The following FILIP1 variants were observed in gnomAD, a reference collection of about 807,000 sequenced individuals.
FILIP1 encodes the protein filamin-A-interacting protein 1.
FILIP1 carries 61 observed loss-of-function variants against 102.1 expected under a neutral mutation model. That is an observed-to-expected ratio of 0.60 (90% confidence interval 0.49 to 0.74). The LOEUF (loss-of-function observed/expected upper bound fraction) is 0.74. Ranked by LOEUF, FILIP1 falls within the 30% of genes least tolerant of loss-of-function variation. FILIP1 has a pLI of 0.00. For missense variants in FILIP1, 1,314 were observed against 1,441.2 expected (o/e 0.91, Z 1.43); for synonymous variants, 491 against 526.9 (o/e 0.93, Z 0.93).
chr6:75,363,203 G>T (rs1775226413), intron 2 of FILIP1, among the ~76,000 whole-genome samples: 1 of 152,048 alleles, frequency 6.6e-6, no homozygotes, highest in Admixed American at 6.6e-5. Flanking sequence ...GATGGGGTGG[G>T]GGAGGGAGGC....
At chr6:75,416,360 C>T (rs573666490) in intron 1 of FILIP1, among the ~76,000 whole-genome samples, 1 of 152,144 alleles carries the variant, frequency 6.6e-6, no homozygotes, top group South Asian at 2.1e-4. Context: ...TTCTACAGCA[C>T]CCCAGCTTTT....
intron 1 of FILIP1, among the ~76,000 whole-genome samples, chr6:75,463,371 C>T (rs1432502298): frequency 2.0e-5 from 3 of 152,042 alleles, no homozygotes; most frequent in Admixed American, 6.5e-5. Context: ...AATTGATTAC[C>T]GTGTTTGTGT....
chr6:75,369,167 A>C (rs1356631623), intron 2 of FILIP1, among the ~76,000 whole-genome samples: 2 of 152,202 alleles, frequency 1.3e-5, no homozygotes, highest in Non-Finnish European at 2.9e-5. Flanking sequence ...ACCTTTCTGC[A>C]CCAAAGAATC....
intron 1 of FILIP1, among the ~76,000 whole-genome samples, chr6:75,471,991 T>C (rs978336439): frequency 8.5e-5 from 13 of 152,156 alleles, no homozygotes; most frequent in Admixed American, 7.2e-4. Flanking sequence ...TGTAAAGTTA[T>C]AATTTTTTAT....
chr6:75,349,357 C>T (rs1002278932), intron 4 of FILIP1, among the ~76,000 whole-genome samples: 7 of 151,978 alleles, frequency 4.6e-5, no homozygotes, highest in African/African-American at 1.7e-4. Context: ...CCGCCCCCAA[C>T]CTCACCCCTC....
intron 1 of FILIP1, among the ~76,000 whole-genome samples, chr6:75,433,378 G>A (rs1777894808): frequency 6.6e-6 from 1 of 152,146 alleles, no homozygotes; most frequent in African/African-American, 2.4e-5. Context: ...TCTAACTGGT[G>A]TGAGATGGTA....
downstream of FILIP1, among the ~76,000 whole-genome samples, chr6:75,307,137 T>C (rs1562426036): frequency 6.6e-6 from 1 of 152,128 alleles, no homozygotes; most frequent in Non-Finnish European, 1.5e-5. Context: ...CGAGAACTGA[T>C]GAGCAGTAGG....
intron 4 of FILIP1, among the ~76,000 whole-genome samples, chr6:75,324,202 GA>G (rs1323584588): frequency 6.6e-6 from 1 of 151,934 alleles, no homozygotes; most frequent in East Asian, 1.9e-4. Context: ...AAAGTCTCAG[GA>G]TACAAAATCA....
chr6:75,455,292 C>A (rs578115614), intron 1 of FILIP1: 1 of 152,134 alleles, frequency 6.6e-6, no homozygotes, highest in African/African-American at 2.4e-5. Flanking sequence ...CCACTCAACT[C>A]CATCTTTGCC....
chr6:75,426,670 A>C (rs1231561687), intron 1 of FILIP1, among the ~76,000 whole-genome samples: 1 of 152,018 alleles, frequency 6.6e-6, no homozygotes, highest in African/African-American at 2.4e-5. Context: ...CCTTTGTGTG[A>C]ATTATGGTGG....
chr6:75,457,287 T>C (rs1212345465), intron 1 of FILIP1, among the ~76,000 whole-genome samples: 2 of 152,198 alleles, frequency 1.3e-5, no homozygotes, highest in African/African-American at 4.8e-5. Flanking sequence ...GACATGTACC[T>C]AAAGCTCTGT....
chr6:75,347,094 C>A (rs1219307871), intron 4 of FILIP1, among the ~76,000 whole-genome samples: 1 of 152,192 alleles, frequency 6.6e-6, no homozygotes, highest in Non-Finnish European at 1.5e-5. Context: ...AGTCACCTTT[C>A]TCCCTCTGTG....
At chr6:75,400,796 CA>C (rs1776630046) in intron 2 of FILIP1, among the ~76,000 whole-genome samples, 1 of 151,592 alleles carries the variant, frequency 6.6e-6, no homozygotes, top group Non-Finnish European at 1.5e-5. Flanking sequence ...GTAGCTTTGA[CA>C]AAAAGAGACA....
intron 1 of FILIP1, among the ~76,000 whole-genome samples, chr6:75,432,950 A>T (rs1366778980): frequency 1.3e-5 from 2 of 151,888 alleles, no homozygotes; most frequent in East Asian, 3.9e-4. Flanking sequence ...TCCTTGTGAT[A>T]GTTTGCTCCA....
chr6:75,321,497 A>G (rs1773652679), intron 4 of FILIP1, among the ~76,000 whole-genome samples: 2 of 150,948 alleles, frequency 1.3e-5, no homozygotes, highest in African/African-American at 2.4e-5. Context: ...CCTTAGACAT[A>G]GAAATGAATG....
At chr6:75,439,669 T>C (rs1485648587) in intron 1 of FILIP1, among the ~76,000 whole-genome samples, 1 of 152,224 alleles carries the variant, frequency 6.6e-6, no homozygotes, top group African/African-American at 2.4e-5. Context: ...AATATTTATG[T>C]ACCACTCCAG....
At chr6:75,307,699 G>A (rs867166720), downstream of FILIP1, among the ~76,000 whole-genome samples, 1 of 152,048 alleles carries the variant, frequency 6.6e-6, no homozygotes, top group African/African-American at 2.4e-5. Context: ...AAAACTGACA[G>A]AAATAATCCA....
intron 1 of FILIP1, among the ~76,000 whole-genome samples, chr6:75,481,705 C>T (rs1305021027): frequency 6.6e-6 from 1 of 152,126 alleles, no homozygotes; most frequent in East Asian, 1.9e-4. Flanking sequence ...CAATCCAACC[C>T]CTCTTTTAGC....
At chr6:75,480,544 T>C (rs1042973401) in intron 1 of FILIP1, among the ~76,000 whole-genome samples, 1 of 152,180 alleles carries the variant, frequency 6.6e-6, no homozygotes, top group Non-Finnish European at 1.5e-5. Context: ...GTAAGGAAAT[T>C]ATCCAACATG....
Sources: gnomAD v4.1 joint callset for allele counts (sites outside exome capture counted in the v4.1 genomes callset) on GRCh38, gnomAD v4.1.1 for gene constraint, MANE v1.5 for transcripts, NCBI Gene and HGNC (gene_info 2026-07-23, HGNC 2026-07-21) for gene names.